PDE3B: variants seen among roughly 807,000 people sequenced by gnomAD.
The protein encoded by PDE3B is cGMP-inhibited 3',5'-cyclic phosphodiesterase 3B.
A neutral mutation model predicts 116.8 loss-of-function variants in PDE3B; 66 were observed. That is an observed-to-expected ratio of 0.56 (90% confidence interval 0.46 to 0.69). The LOEUF (loss-of-function observed/expected upper bound fraction) is 0.69. PDE3B is among the 30% of genes least tolerant of loss of function. The pLI is 0.00. For synonymous variants in PDE3B, 595 were observed against 533.6 expected (o/e 1.12, Z -1.59); for missense variants, 1,384 against 1,368.1 (o/e 1.01, Z -0.18).
intron 7 of PDE3B, among the ~76,000 whole-genome samples, chr11:14,823,150 T>C (rs566530680): frequency 6.6e-6 from 1 of 152,334 alleles, no homozygotes; most frequent in East Asian, 1.9e-4. Context: ...ATCTTTGCTG[T>C]TTCACAGCCT....
At chr11:14,702,925 C>T (rs1393166939) in intron 1 of PDE3B, among the ~76,000 whole-genome samples, 1 of 151,850 alleles carries the variant, frequency 6.6e-6, no homozygotes, top group East Asian at 1.9e-4. Flanking sequence ...TCACTTATGG[C>T]CTGCGCCACA....
chr11:14,728,149 A>G (rs924308023), intron 1 of PDE3B, among the ~76,000 whole-genome samples: 2 of 152,058 alleles, frequency 1.3e-5, no homozygotes, highest in East Asian at 1.9e-4. Context: ...GCTTTTAGCA[A>G]TTTAAATTTT....
intron 1 of PDE3B, among the ~76,000 whole-genome samples, chr11:14,704,012 T>G (rs1236692807): frequency 6.6e-6 from 1 of 151,760 alleles, no homozygotes; most frequent in Non-Finnish European, 1.5e-5. Flanking sequence ...AGTTTTTTCT[T>G]ATTTTCAGTT....
intron 1 of PDE3B, among the ~76,000 whole-genome samples, chr11:14,764,036 A>G (rs1432598614): frequency 6.6e-6 from 1 of 152,140 alleles, no homozygotes; most frequent in Non-Finnish European, 1.5e-5. Context: ...GAGTTAAGGA[A>G]TGGGCAAGAT....
At chr11:14,678,812 T>G (rs1854606554) in intron 1 of PDE3B, among the ~76,000 whole-genome samples, 1 of 152,196 alleles carries the variant, frequency 6.6e-6, no homozygotes, top group Non-Finnish European at 1.5e-5. Context: ...TGATGTAATA[T>G]TTAAGAACTT....
intron 1 of PDE3B, among the ~76,000 whole-genome samples, chr11:14,673,375 A>G (rs1367120944): frequency 6.6e-6 from 1 of 152,072 alleles, no homozygotes; most frequent in Non-Finnish European, 1.5e-5. Flanking sequence ...GTTGTCCATC[A>G]TTGAATACAC....
the PDE3B span, among the ~76,000 whole-genome samples, chr11:14,883,858 C>A: frequency 5.3e-5 from 8 of 152,172 alleles, no homozygotes; most frequent in Admixed American, 6.5e-5. Context: ...ACCCCATCAA[C>A]AAGTGGGCGA....
chr11:14,823,243 T>A (rs1338703706), intron 7 of PDE3B, among the ~76,000 whole-genome samples: 2 of 152,144 alleles, frequency 1.3e-5, no homozygotes, highest in Non-Finnish European at 2.9e-5. Flanking sequence ...AGTAGCTCTA[T>A]GGGAAAGCAG....
intron 1 of PDE3B, among the ~76,000 whole-genome samples, chr11:14,677,379 G>T (rs999242319): frequency 1.3e-5 from 2 of 152,152 alleles, no homozygotes; most frequent in African/African-American, 4.8e-5. Context: ...TAGGTAGCCT[G>T]TTATCTTTAA....
chr11:14,796,037 C>G (rs533024610), intron 4 of PDE3B, among the ~76,000 whole-genome samples: 80 of 152,232 alleles, frequency 5.3e-4, no homozygotes, highest in African/African-American at 1.7e-3. Flanking sequence ...TCCCCCACCC[C>G]CCGACAGGCC....
chr11:14,677,572 T>G (rs1854567405), intron 1 of PDE3B, among the ~76,000 whole-genome samples: 1 of 152,182 alleles, frequency 6.6e-6, no homozygotes, highest in South Asian at 2.1e-4. Flanking sequence ...AGATGTTTTT[T>G]GGTGTATGGT....
chr11:14,676,749 A>T (rs148142252), intron 1 of PDE3B, among the ~76,000 whole-genome samples: 5 of 152,262 alleles, frequency 3.3e-5, no homozygotes, highest in African/African-American at 1.2e-4. Flanking sequence ...TGCCATATGT[A>T]TGTGTTATGA....
At chr11:14,714,645 T>G (rs1224545968) in intron 1 of PDE3B, among the ~76,000 whole-genome samples, 1 of 152,076 alleles carries the variant, frequency 6.6e-6, no homozygotes, top group Non-Finnish European at 1.5e-5. Flanking sequence ...TGCCCCAAGA[T>G]GGTGCCAATG....
intron 4 of PDE3B, among the ~76,000 whole-genome samples, chr11:14,799,452 T>G (rs1356228636): frequency 1.3e-5 from 2 of 152,208 alleles, no homozygotes; most frequent in African/African-American, 4.8e-5. Context: ...TTAGGTCCAC[T>G]TGGTCCAGAG....
chr11:14,762,371 G>A (rs1197592775), intron 1 of PDE3B, among the ~76,000 whole-genome samples: 2 of 152,056 alleles, frequency 1.3e-5, no homozygotes, highest in South Asian at 2.1e-4. Context: ...AGAACATCAC[G>A]CTAGATAATA....
At chr11:14,700,177 GC>G (rs1855322794) in intron 1 of PDE3B, among the ~76,000 whole-genome samples, 1 of 151,626 alleles carries the variant, frequency 6.6e-6, no homozygotes, top group South Asian at 2.1e-4. Context: ...TTAACATGTG[GC>G]TGCTAATATT....
At chr11:14,756,122 A>T (rs1412962718) in intron 1 of PDE3B, among the ~76,000 whole-genome samples, 4 of 152,210 alleles carry the variant, frequency 2.6e-5, no homozygotes, top group Non-Finnish European at 5.9e-5. Context: ...TGGAACTGAG[A>T]TATTCTCATT....
chr11:14,679,241 CTA>C (rs1405936875), intron 1 of PDE3B, among the ~76,000 whole-genome samples: 2 of 151,182 alleles, frequency 1.3e-5, no homozygotes, highest in Admixed American at 1.3e-4. Context: ...TTGTTTATAT[CTA>C]TGAAAAATTT....
At chr11:14,861,827 G>GC (rs1847956744) in intron 14 of PDE3B, among the ~76,000 whole-genome samples, 2 of 152,214 alleles carry the variant, frequency 1.3e-5, no homozygotes, top group Non-Finnish European at 2.9e-5. Flanking sequence ...GAGATCAAGT[G>GC]CATGGTTTGA....
Sources: gnomAD v4.1 joint callset for allele counts (sites outside exome capture counted in the v4.1 genomes callset) on GRCh38, gnomAD v4.1.1 for gene constraint, MANE v1.5 for transcripts, NCBI Gene and HGNC (gene_info 2026-07-23, HGNC 2026-07-21) for gene names.